Variants in ELMO1 observed in about 807,000 individuals in gnomAD.
ELMO1 encodes engulfment and cell motility 1.
A neutral mutation model predicts 98.9 loss-of-function variants in ELMO1; 26 were observed. That is an observed-to-expected ratio of 0.26 (90% CI 0.19 to 0.36). The LOEUF (loss-of-function observed/expected upper bound fraction) is 0.36, where lower values mean the gene tolerates loss of function less well. Ranked by LOEUF, ELMO1 falls within the 10% of genes least tolerant of loss-of-function variation. ELMO1 has a pLI of 1.00. For synonymous variants in ELMO1, 346 were observed against 346.0 expected (o/e 1.00, Z 0.00); for missense variants, 627 against 935.2 (o/e 0.67, Z 4.30).
intron 2 of ELMO1, among the ~76,000 whole-genome samples, chr7:37,341,292 G>A (rs1006584415): frequency 2.0e-5 from 3 of 152,196 alleles, no homozygotes; most frequent in Non-Finnish European, 4.4e-5. Flanking sequence ...GGTCTCTTAG[G>A]CTGTGGCCAA....
intron 16 of ELMO1, among the ~76,000 whole-genome samples, chr7:36,913,661 T>C (rs1454383164): frequency 1.3e-5 from 2 of 152,068 alleles, no homozygotes; most frequent in Non-Finnish European, 2.9e-5. Context: ...TGGAGGACAG[T>C]TTGGAGAGGA....
rs2129042555 is a variant in ELMO1 at position 36,874,199 on chromosome 7, A to C, written c.1823-3724T>G. On this transcript the variant is annotated intron_variant, in intron 19 of 21. Transcript: ENST00000310758. ...TTGTAACTCTAACATTATCTATCCCATATGGTTGCTCTGAGAGTTAAATCC... is the reference window on the plus strand; with the variant it reads ...TTGTAACTCTAACATTATCTATCCCCTATGGTTGCTCTGAGAGTTAAATCC... Among the ~76,000 whole-genome samples, 4 of 152,356 alleles carry C rather than the reference A, an allele frequency of 2.6e-5. No homozygotes were observed. In the South Asian group the frequency reaches 8.3e-4, roughly 32 times the overall value.
In ELMO1 at chr7:36,861,745, G is replaced by C; in HGVS notation, c.1906-9C>G. ...GCGAGTTCAAGCACCTCCTACAAGA[G>C]ATGAGAGAAAACAGCACCTTAAGGA... On this transcript the variant is annotated splice_polypyrimidine_tract_variant and intron_variant, in intron 20 of 21. Transcript: ENST00000310758. The C allele has an allele frequency of 6.2e-7, 1 of 1,613,014 alleles. No homozygotes were observed. The highest frequency in any genetic ancestry group is 2.2e-5 in the East Asian group (1 of 44,804).
intron 15 of ELMO1, among the ~76,000 whole-genome samples, chr7:37,057,222 C>T (rs1045493384): frequency 2.6e-5 from 4 of 151,730 alleles, no homozygotes; most frequent in Non-Finnish European, 4.4e-5. Context: ...TACACCCTGA[C>T]TCTGATATAA....
intron 10 of ELMO1, among the ~76,000 whole-genome samples, chr7:37,220,111 C>T (rs113405931): frequency 1.3e-3 from 196 of 152,318 alleles, no homozygotes; most frequent in African/African-American, 4.4e-3. Context: ...GCTTTACAGG[C>T]CTCTACTGAC....
chr7:37,428,963 C>T (rs572259935), intron 1 of ELMO1, among the ~76,000 whole-genome samples: 1 of 152,182 alleles, frequency 6.6e-6, no homozygotes, highest in Non-Finnish European at 1.5e-5. Flanking sequence ...ATCAACTTTC[C>T]TTTTCTCTGT....
intron 7 of ELMO1, among the ~76,000 whole-genome samples, chr7:37,237,982 T>C (rs1794569771): frequency 6.6e-6 from 1 of 152,234 alleles, no homozygotes; most frequent in Non-Finnish European, 1.5e-5. Context: ...AACGAAACTC[T>C]TCAACTTTAT....
chr7:37,341,333 G>A (rs569938497), intron 2 of ELMO1, among the ~76,000 whole-genome samples: 2 of 152,164 alleles, frequency 1.3e-5, no homozygotes, highest in African/African-American at 2.4e-5. Context: ...AGTCTGCACC[G>A]AGTATCTCCA....
chr7:36,860,013 T>C lies in ELMO1; in HGVS notation c.1983+1646A>G, dbSNP rs1285378634. 2.0e-5 allele frequency among the ~76,000 whole-genome samples: 3 copies of C among 152,192 alleles called. No homozygotes were observed. The East Asian group carries it at 5.8e-4, about 29-fold the overall frequency. On this transcript the variant is annotated intron_variant, in intron 21 of 21. Coordinates refer to ENST00000310758, the MANE Select transcript of ELMO1 (RefSeq NM_014800.11). ...ATGAGGATGAAGACTTTTATGATGA[T>C]CCTCTTCCACTTAATGAATAGTAAA...
intron 14 of ELMO1, among the ~76,000 whole-genome samples, chr7:37,098,648 C>T (rs1487250443): frequency 1.3e-5 from 2 of 152,206 alleles, no homozygotes; most frequent in East Asian, 1.9e-4. Context: ...TCATTTCACT[C>T]AGCCTGAATC....
At chr7:37,087,439 A>AT (rs199992840) in intron 15 of ELMO1, among the ~76,000 whole-genome samples, 153 of 147,058 alleles carry the variant, frequency 1.0e-3, no homozygotes, top group African/African-American at 2.3e-3. Flanking sequence ...TTTCTGGCAG[A>AT]TTTTTTTTTT....
At position 37,336,826 on chromosome 7, in the gene ELMO1, C is replaced by T. The variant is rs144126216; in HGVS notation, c.78+5787G>A. 4.1e-3 allele frequency among the ~76,000 whole-genome samples: 623 copies of T among 152,234 alleles called. 6 individuals are homozygous for T. The highest frequency in any genetic ancestry group is 0.014 in the African/African-American group (600 of 41,534). On this transcript the variant is annotated intron_variant, in intron 2 of 21. Transcript: ENST00000310758. ...CATGGAACAACATAGATGGCATATA[C>T]TGGTAACATTTAAATAAGCCTGGAA...
At chr7:37,019,862 T>C (rs2129178242) in intron 15 of ELMO1, among the ~76,000 whole-genome samples, 1 of 152,326 alleles carries the variant, frequency 6.6e-6, no homozygotes, top group East Asian at 1.9e-4. Context: ...AGGGTACAAT[T>C]TGCTGATATC....
At chr7:37,374,725 T>C (rs537786654) in intron 1 of ELMO1, among the ~76,000 whole-genome samples, 1 of 151,956 alleles carries the variant, frequency 6.6e-6, no homozygotes, top group Admixed American at 6.6e-5. Flanking sequence ...CACTCCAGCC[T>C]GGGCAACAGA....
At chr7:36,888,152 C>A (rs1805205503) in intron 17 of ELMO1, among the ~76,000 whole-genome samples, 2 of 152,134 alleles carry the variant, frequency 1.3e-5, no homozygotes, top group South Asian at 4.1e-4. Flanking sequence ...ACCACAGGAC[C>A]ACTTTTGCTT....
chr7:37,264,025 T>C (rs1461189771), intron 5 of ELMO1, among the ~76,000 whole-genome samples: 1 of 152,218 alleles, frequency 6.6e-6, no homozygotes, highest in African/African-American at 2.4e-5. Flanking sequence ...GACATAGTCA[T>C]AGGATGAAAT....
chr7:36,973,656 C>T (rs1399541146), intron 16 of ELMO1, among the ~76,000 whole-genome samples: 1 of 152,210 alleles, frequency 6.6e-6, no homozygotes, highest in Non-Finnish European at 1.5e-5. Flanking sequence ...ACTTGAGAAG[C>T]CCTTCAGCCC....
At chr7:36,900,999 G>A (rs937449222) in intron 16 of ELMO1, among the ~76,000 whole-genome samples, 4 of 151,614 alleles carry the variant, frequency 2.6e-5, no homozygotes, top group Non-Finnish European at 5.9e-5. Context: ...GCCAGGGATC[G>A]CTTTGGGGCT....
chr7:37,409,498 G>A (rs1444864029), intron 1 of ELMO1, among the ~76,000 whole-genome samples: 2 of 152,210 alleles, frequency 1.3e-5, no homozygotes, highest in Non-Finnish European at 2.9e-5. Context: ...TCCATGCACA[G>A]TCAGCCAGGG....
Sources: gnomAD v4.1 joint callset for allele counts (sites outside exome capture counted in the v4.1 genomes callset) on GRCh38, gnomAD v4.1.1 for gene constraint, MANE v1.5 for transcripts, NCBI Gene and HGNC (gene_info 2026-07-23, HGNC 2026-07-21) for gene names.